ARAP2: variants seen among roughly 807,000 people sequenced by gnomAD.
ARAP2 encodes the protein arf-GAP with Rho-GAP domain, ANK repeat and PH domain-containing protein 2.
Under a neutral mutation model 194.5 loss-of-function variants are expected in ARAP2, and 148 were observed. The ratio of observed to expected loss-of-function variants is 0.76; its 90% CI spans 0.67 to 0.87. ARAP2 has a LOEUF of 0.87. Ranked by LOEUF, ARAP2 falls within the 40% of genes least tolerant of loss-of-function variation. The pLI is 0.00. For missense variants in ARAP2, 2,128 were observed against 1,989.7 expected, an observed-to-expected ratio of 1.07 and a Z score of -1.32; for synonymous variants, 695 against 683.5, an observed-to-expected ratio of 1.02 and a Z score of -0.26.
intron 32 of ARAP2, among the ~76,000 whole-genome samples, chr4:36,072,681 CAA>C (rs1237489165): frequency 6.3e-5 from 9 of 141,856 alleles, no homozygotes; most frequent in Admixed American, 5.5e-4. Context: ...AAAAAAACCC[CAA>C]AAAAAACAAA....
intron 1 of ARAP2, among the ~76,000 whole-genome samples, chr4:36,059,234 A>G (rs988534340): frequency 6.6e-6 from 1 of 152,182 alleles, no homozygotes; most frequent in African/African-American, 2.4e-5. Flanking sequence ...CTTTACTGAA[A>G]TAGCTATTAG....
At position 36,192,458 on chromosome 4, in the gene ARAP2, T is replaced by A. The variant is rs564719021; in HGVS notation, c.1557+1120A>T. 9.2e-5 allele frequency among the ~76,000 whole-genome samples: 14 copies of A among 152,196 alleles called. No individual in the cohort carries two copies. The South Asian group carries it at 2.7e-3, about 29-fold the overall frequency. Reference sequence around the variant, plus strand: ...AAACAGTCCAGTTTGACACAGTTACTAGAAATTATCTCAAATGAAAACAAT... The same window carrying A: ...AAACAGTCCAGTTTGACACAGTTACAAGAAATTATCTCAAATGAAAACAAT... On this transcript the variant is annotated intron_variant, in intron 7 of 32. Coordinates refer to ENST00000303965, the MANE Select transcript of ARAP2 (RefSeq NM_015230.4).
chr4:36,079,270 G>C (rs1407544288), intron 31 of ARAP2, among the ~76,000 whole-genome samples: 1 of 151,526 alleles, frequency 6.6e-6, no homozygotes, highest in Non-Finnish European at 1.5e-5. Context: ...CCAGTCTCTT[G>C]TGCACATGTT....
chr4:36,131,280 C>G (rs1725380173), intron 20 of ARAP2, among the ~76,000 whole-genome samples: 1 of 150,410 alleles, frequency 6.6e-6, no homozygotes, highest in South Asian at 2.1e-4. Context: ...ATAGTAGTGC[C>G]CAATATGTGA....
chr4:36,049,224 G>A (rs1287750444), intron 3 of ARAP2, among the ~76,000 whole-genome samples: 1 of 152,016 alleles, frequency 6.6e-6, no homozygotes, highest in African/African-American at 2.4e-5. Context: ...TTTAATTAAA[G>A]CTTAAGTTGA....
chr4:36,066,462 T>A lies in ARAP2; in HGVS notation c.*1445A>T, dbSNP rs1435818181. 1 of 152,074 alleles carries A rather than the reference T, an allele frequency of 6.6e-6. No homozygotes were observed. The highest frequency in any genetic ancestry group is 1.5e-5 in the Non-Finnish European group (1 of 68,006). 9.4% of individuals were successfully genotyped at this position (152,074 alleles called of 1,614,324 possible). On this transcript the variant is annotated 3_prime_UTR_variant, in exon 33 of 33. Coordinates refer to ENST00000303965, the MANE Select transcript of ARAP2 (RefSeq NM_015230.4). ...CACCCCAAAATACAAATGATCCGTATTTTACAATGAAGAAATTCATAGCAT... is the reference window on the plus strand; with the variant it reads ...CACCCCAAAATACAAATGATCCGTAATTTACAATGAAGAAATTCATAGCAT...
chr4:36,142,849 C>T (rs1454934490), intron 19 of ARAP2, among the ~76,000 whole-genome samples: 1 of 151,680 alleles, frequency 6.6e-6, no homozygotes, highest in Non-Finnish European at 1.5e-5. Context: ...TTTACGCTGG[C>T]AACTCCAAAA....
At chr4:36,163,734 A>G (rs563518668) in intron 11 of ARAP2, among the ~76,000 whole-genome samples, 1 of 152,306 alleles carries the variant, frequency 6.6e-6, no homozygotes, top group South Asian at 2.1e-4. Flanking sequence ...AATGACGAAC[A>G]TGTATCCTAA....
intron 1 of ARAP2, among the ~76,000 whole-genome samples, chr4:36,236,545 G>T (rs2109364096): frequency 6.6e-6 from 1 of 152,220 alleles, no homozygotes; most frequent in East Asian, 1.9e-4. Context: ...GTGAGAAAAT[G>T]GGCTTAATAG....
chr4:36,092,484 C>T (rs909584897), intron 27 of ARAP2, among the ~76,000 whole-genome samples: 18 of 152,082 alleles, frequency 1.2e-4, no homozygotes, highest in African/African-American at 3.4e-4. Context: ...TGGCACATGC[C>T]TGTAGTCCGA....
chr4:36,174,966 T>C (rs1484528887), intron 9 of ARAP2, among the ~76,000 whole-genome samples: 2 of 152,228 alleles, frequency 1.3e-5, no homozygotes, highest in Non-Finnish European at 2.9e-5. Context: ...AGTAAATTAC[T>C]AAAACTATGT....
downstream of ARAP2, among the ~76,000 whole-genome samples, chr4:36,062,629 T>G (rs1006729372): frequency 2.4e-5 from 3 of 126,104 alleles, no homozygotes; most frequent in African/African-American, 8.6e-5. Flanking sequence ...GTAATTTGTG[T>G]GAGAGTGTGT....
At chr4:36,121,403 T>C (rs1028332606) in intron 22 of ARAP2, 77 bp from the exon 23 acceptor site, 24 of 1,323,374 alleles carry the variant, frequency 1.8e-5, no homozygotes, top group African/African-American at 3.0e-5. Flanking sequence ...AGTTTATCAA[T>C]TTTTAAACAC....
chr4:36,155,687 A>G (rs1418583633), intron 15 of ARAP2, among the ~76,000 whole-genome samples: 1 of 150,334 alleles, frequency 6.7e-6, no homozygotes, highest in African/African-American at 2.5e-5. Context: ...TTTTAGACCG[A>G]GTCTCGCTGT....
At chr4:36,073,928 T>C (rs774814736) in intron 31 of ARAP2, 105 bp from the exon 32 acceptor site, 81 of 1,350,348 alleles carry the variant, frequency 6.0e-5, no homozygotes, top group Non-Finnish European at 8.0e-5. Context: ...TCAAATGATC[T>C]GATTTCCATG....
chr4:36,235,535 A>C (rs1752272033), intron 1 of ARAP2, among the ~76,000 whole-genome samples: 1 of 152,116 alleles, frequency 6.6e-6, no homozygotes, highest in South Asian at 2.1e-4. Context: ...CTTGTGACTC[A>C]CCATCCCTTA....
At chr4:36,037,234 T>C (rs1206915601) in intron 5 of ARAP2, among the ~76,000 whole-genome samples, 1 of 152,186 alleles carries the variant, frequency 6.6e-6, no homozygotes, top group East Asian at 1.9e-4. Flanking sequence ...TGCACTGACA[T>C]TGTGGTGTCA....
At chr4:36,230,776 C>T (rs897467403) in intron 1 of ARAP2, among the ~76,000 whole-genome samples, 2 of 152,088 alleles carry the variant, frequency 1.3e-5, no homozygotes, top group Non-Finnish European at 2.9e-5. Context: ...TGATGCAGGA[C>T]TGAAAAACCC....
rs533009767 is a variant in ARAP2 at position 36,201,879 on chromosome 4, T to C, written c.1488-8232A>G. ...TGCTAACTAACCAATGATACCAATC[T>C]AAGGTGTGAGAAGCTACCAAATTGT... is the stretch of plus-strand genomic sequence containing the variant. On this transcript the variant is annotated intron_variant, in intron 6 of 32. Transcript: ENST00000303965. 9.9e-5 allele frequency among the ~76,000 whole-genome samples: 15 copies of C among 152,246 alleles called. No homozygotes were observed. The South Asian group carries it at 1.7e-3, about 17-fold the overall frequency.
Sources: allele counts gnomAD v4.1 joint callset (sites outside exome capture counted in the v4.1 genomes callset), GRCh38; gene constraint gnomAD v4.1.1; transcripts MANE v1.5; gene names NCBI Gene and HGNC (gene_info 2026-07-23, HGNC 2026-07-21).